The following RABGAP1 variants were observed in gnomAD, a reference collection of about 807,000 sequenced individuals.
RABGAP1 encodes the protein RAB GTPase activating protein 1.
In RABGAP1, 23 loss-of-function variants were observed where a neutral mutation model predicts 137.6. That is an observed-to-expected ratio of 0.17 (90% CI 0.12 to 0.24). The LOEUF is 0.24. RABGAP1 is among the 10% of genes least tolerant of loss of function. The probability of loss-of-function intolerance (pLI) is 1.00; values close to 1 mark genes in which losing one functional copy is unlikely to be tolerated. For synonymous variants in RABGAP1, 451 were observed against 450.7 expected (o/e 1.00, Z -0.01); for missense variants, 906 against 1,275.8 (o/e 0.71, Z 4.42).
chr9:122,993,061 A>G (rs2131799065), intron 6 of RABGAP1, among the ~76,000 whole-genome samples: 1 of 151,978 alleles, frequency 6.6e-6, no homozygotes, highest in South Asian at 2.1e-4. Flanking sequence ...TACTGTGTAT[A>G]ATATTAATAG....
At position 123,065,385 on chromosome 9, in the gene RABGAP1, A is replaced by G; in HGVS notation, c.1832A>G (p.Asn611Ser). The G allele has an allele frequency of 6.2e-7, 1 of 1,613,336 alleles. No homozygotes were observed. The highest frequency in any genetic ancestry group is 8.5e-7 in the Non-Finnish European group (1 of 1,179,376). Residue 611 changes from asparagine to serine, a missense_variant, in exon 14 of 26, where the codon AAC (asparagine) becomes AGC (serine). Physicochemically the swap from Asn to Ser is conservative, Grantham distance 46. Coordinates refer to ENST00000373647, the MANE Select transcript of RABGAP1 (RefSeq NM_012197.4). ...GACAGTGCTATCACCCGGGATATTA[A>G]CCGAACATTCCCAGCCCATGACTAC... is the stretch of plus-strand genomic sequence containing the variant. ...PQDSAITRDINRTFPAHDYFK... is the reference protein window; with the variant it reads ...PQDSAITRDISRTFPAHDYFK...
At chr9:123,035,341 A>G in intron 13 of RABGAP1, 1 of 1,614,066 alleles carries the variant, frequency 6.2e-7, no homozygotes, top group Non-Finnish European at 8.5e-7. Flanking sequence ...TCGAATCACT[A>G]GTGTATTTTA....
chr9:122,967,093 A>T (rs1835199634), intron 2 of RABGAP1, among the ~76,000 whole-genome samples: 1 of 152,216 alleles, frequency 6.6e-6, no homozygotes, highest in Non-Finnish European at 1.5e-5. Flanking sequence ...AATTCCTTGT[A>T]AGACAAGTGA....
At chr9:123,066,441 G>A (rs746683632) in intron 14 of RABGAP1, among the ~76,000 whole-genome samples, 12 of 152,218 alleles carry the variant, frequency 7.9e-5, no homozygotes, top group East Asian at 1.9e-4. Context: ...CTGGTCCCTC[G>A]TCACATACTT....
At chr9:123,040,084 G>A (rs1198219313) in intron 13 of RABGAP1, among the ~76,000 whole-genome samples, 1 of 152,030 alleles carries the variant, frequency 6.6e-6, no homozygotes, top group African/African-American at 2.4e-5. Flanking sequence ...CCTCAGAGAG[G>A]GATCAAAGAA....
the RABGAP1 span, among the ~76,000 whole-genome samples, chr9:122,934,854 G>A: frequency 2.6e-5 from 4 of 151,928 alleles, no homozygotes; most frequent in Admixed American, 2.6e-4. Flanking sequence ...ATCCGCCTGC[G>A]TTGACCTTCC....
Position 123,046,197 on chromosome 9 carries a change from A to G in RABGAP1, c.1795-19151A>G, listed in dbSNP as rs139616099. Reference sequence around the variant, plus strand: ...TCTCGGACATTAGGATACACATACAATACTTGGATGTACTTCATCAAGGGA... The same window carrying G: ...TCTCGGACATTAGGATACACATACAGTACTTGGATGTACTTCATCAAGGGA... On this transcript the variant is annotated intron_variant, in intron 13 of 25. Coordinates refer to ENST00000373647, the MANE Select transcript of RABGAP1 (RefSeq NM_012197.4). Among the ~76,000 whole-genome samples, 575 of 152,356 alleles carry G rather than the reference A, an allele frequency of 3.8e-3. 5 individuals carry two copies. Among genetic ancestry groups the G allele is most frequent in the African/African-American group, 0.013 (551 of 41,588 alleles).
chr9:123,032,278 T>G (rs1334369160), intron 13 of RABGAP1, among the ~76,000 whole-genome samples: 2 of 152,250 alleles, frequency 1.3e-5, no homozygotes, highest in Non-Finnish European at 2.9e-5. Flanking sequence ...AGTGTTGTTC[T>G]CATTTTACAG....
At chr9:122,993,143 C>T (rs547729971) in intron 6 of RABGAP1, among the ~76,000 whole-genome samples, 42 of 151,852 alleles carry the variant, frequency 2.8e-4, no homozygotes, top group African/African-American at 7.2e-4. Context: ...ATTACTTATC[C>T]CCTGTCCAAC....
chr9:122,996,282 G>A (rs982346814), intron 7 of RABGAP1, 131 bp downstream of exon 7: 4 of 1,396,546 alleles, frequency 2.9e-6, no homozygotes, highest in Non-Finnish European at 2.8e-6. Flanking sequence ...TTTGTTTACT[G>A]AAGTCAGTGC....
intron 19 of RABGAP1, among the ~76,000 whole-genome samples, chr9:123,089,054 A>G (rs2034957900): frequency 7.0e-6 from 1 of 143,662 alleles, no homozygotes; most frequent in Non-Finnish European, 1.6e-5. Context: ...GTGGTTTGCA[A>G]TGGTGGGTAA....
intron 13 of RABGAP1, among the ~76,000 whole-genome samples, chr9:123,049,577 C>T (rs1169802425): frequency 6.6e-6 from 1 of 152,186 alleles, no homozygotes; most frequent in Non-Finnish European, 1.5e-5. Flanking sequence ...TATTGTATCA[C>T]TTATGTTTCA....
chr9:122,933,440 A>ATTATTATT, the RABGAP1 span, among the ~76,000 whole-genome samples: 1 of 146,054 alleles, frequency 6.8e-6, no homozygotes, highest in African/African-American at 2.6e-5. Context: ...TTTTTCATTA[A>ATTATTATT]ATTATTATTA....
chr9:123,099,460 T>C lies in RABGAP1; in HGVS notation c.2818-18T>C. The C allele has an allele frequency of 1.3e-6, 2 of 1,590,020 alleles. No homozygotes were observed. Among genetic ancestry groups the C allele is most frequent in the African/African-American group, 1.3e-5 (1 of 74,462 alleles). On this transcript the variant is annotated intron_variant, in intron 23 of 25. Transcript: ENST00000373647. Reference sequence around the variant, plus strand: ...TACAATTGCTCAAGAGATTGTTGTTTTATATTTGTTTCTTTAGATTTGTTC... The same window carrying C: ...TACAATTGCTCAAGAGATTGTTGTTCTATATTTGTTTCTTTAGATTTGTTC...
intron 13 of RABGAP1, among the ~76,000 whole-genome samples, chr9:123,040,117 C>CTATA (rs1377393840): frequency 6.6e-6 from 1 of 152,104 alleles, no homozygotes; most frequent in Non-Finnish European, 1.5e-5. Flanking sequence ...TCTTGTAGAA[C>CTATA]TATATAGTCT....
chr9:123,011,007 C>G (rs1158846540), intron 11 of RABGAP1, among the ~76,000 whole-genome samples: 1 of 141,510 alleles, frequency 7.1e-6, no homozygotes, highest in Non-Finnish European at 1.5e-5. Context: ...TTCTTTGTTT[C>G]TTTTTTTTTT....
chr9:123,076,096 T>C, intron 17 of RABGAP1, 149 bp from the exon 18 acceptor site: 1 of 793,488 alleles, frequency 1.3e-6, no homozygotes, highest in Non-Finnish European at 1.9e-6. Context: ...AATGGCCCTT[T>C]AGTTTTTATT....
intron 10 of RABGAP1, among the ~76,000 whole-genome samples, chr9:123,005,277 A>T (rs1254400518): frequency 7.8e-6 from 1 of 127,856 alleles, no homozygotes; most frequent in African/African-American, 2.7e-5. Context: ...ATTTTAGCTT[A>T]GGGGCTTGGG....
intron 19 of RABGAP1, among the ~76,000 whole-genome samples, chr9:123,077,218 T>C (rs944697529): frequency 2.0e-5 from 3 of 151,028 alleles, no homozygotes; most frequent in Non-Finnish European, 4.4e-5. Context: ...GGCACAATCA[T>C]AGCTCATTGC....
Sources: allele counts gnomAD v4.1 joint callset (sites outside exome capture counted in the v4.1 genomes callset), GRCh38; gene constraint gnomAD v4.1.1; transcripts MANE v1.5; gene names NCBI Gene and HGNC (gene_info 2026-07-23, HGNC 2026-07-21).